Variants in STEAP2 observed in about 807,000 individuals in gnomAD.
STEAP2 encodes STEAP2 metalloreductase, also known as metalloreductase STEAP2.
In STEAP2, 30 loss-of-function variants were observed where a neutral mutation model predicts 46.4. The observed-to-expected ratio is 0.65, with a 90% confidence interval of 0.48 to 0.88. The LOEUF (loss-of-function observed/expected upper bound fraction) is 0.88. STEAP2 is among the 40% of genes least tolerant of loss of function. STEAP2 has a pLI of 0.00. For missense variants in STEAP2, 513 were observed against 579.3 expected (o/e 0.89, Z 1.18); for synonymous variants, 180 against 200.5 (o/e 0.90, Z 0.86).
At position 90,227,223 on chromosome 7, in the gene STEAP2, A is replaced by C; in HGVS notation, c.745A>C (p.Lys249Gln). 1 of 1,613,882 alleles carries C rather than the reference A, an allele frequency of 6.2e-7. No individual in the cohort carries two copies. The highest frequency in any genetic ancestry group is 8.5e-7 in the Non-Finnish European group (1 of 1,179,864). ...TAGAAACCAACAGAGTGACTTTTAC[A>C]AAATTCCTATAGAGATTGTGAATAA... ...YARNQQSDFY[K>Q]IPIEIVNKTL... Residue 249 changes from lysine to glutamine, a missense_variant, in exon 4 of 6, where the codon AAA (lysine) becomes CAA (glutamine). By Grantham distance (53) the Lys-to-Gln change is moderately conservative. Coordinates refer to ENST00000394621, the MANE Select transcript of STEAP2 (RefSeq NM_001244944.2).
intron 1 of STEAP2, among the ~76,000 whole-genome samples, chr7:90,214,818 A>G (rs1794951217): frequency 6.6e-6 from 1 of 152,214 alleles, no homozygotes; most frequent in Non-Finnish European, 1.5e-5. Flanking sequence ...TCCTGGAGAC[A>G]GTGCTTGGAG....
At chr7:90,214,507 A>G (rs912184881) in intron 1 of STEAP2, among the ~76,000 whole-genome samples, 2 of 152,142 alleles carry the variant, frequency 1.3e-5, no homozygotes, top group Admixed American at 6.5e-5. Context: ...AGGTGAAACT[A>G]ATGAGCTCAG....
At chr7:90,216,356 G>A (rs1316680312) in intron 1 of STEAP2, 135 bp from the exon 2 acceptor site, 1 of 152,112 alleles carries the variant, frequency 6.6e-6, no homozygotes, top group Non-Finnish European at 1.5e-5. Context: ...AACTGGGGAG[G>A]GGATCCCCTT....
chr7:90,238,752 T>C (rs948916879), downstream of STEAP2, among the ~76,000 whole-genome samples: 2 of 152,154 alleles, frequency 1.3e-5, no homozygotes, highest in Non-Finnish European at 2.9e-5. Flanking sequence ...CCTAGACTAG[T>C]ACAGTACTTT....
At chr7:90,242,085 G>GA (rs66642075), downstream of STEAP2, among the ~76,000 whole-genome samples, 9 of 149,656 alleles carry the variant, frequency 6.0e-5, no homozygotes, top group Admixed American at 4.0e-4. Flanking sequence ...GTTAGAGCTA[G>GA]AAAAAAAAAA....
chr7:90,227,384 A>G lies in STEAP2; in HGVS notation c.906A>G (p.Arg302=), dbSNP rs1169785708. The G allele has an allele frequency of 1.2e-6, 2 of 1,613,366 alleles. No individual in the cohort carries two copies. Among genetic ancestry groups the G allele is most frequent in the South Asian group, 1.1e-5 (1 of 91,066 alleles). ...PPWLETWLQC[R]KQLGLLSFFF... ...GGTTGGAAACCTGGTTACAGTGTAG[A>G]AAACAGCTTGGATTACTAAGTTTTT... Residue 302 remains arginine (R), a synonymous_variant, in exon 4 of 6, where the codon AGA becomes AGG. Coordinates refer to ENST00000394621, the MANE Select transcript of STEAP2 (RefSeq NM_001244944.2).
Position 90,234,740 on chromosome 7 carries a change from A to C in STEAP2, c.*2116A>C. The C allele has an allele frequency of 2.0e-6, 1 of 502,220 alleles. No homozygotes were observed. Among genetic ancestry groups the C allele is most frequent in the Non-Finnish European group, 2.6e-6 (1 of 389,050 alleles). The allele number at this position is 502,220 out of a possible 1,614,324, so 31.1% of individuals were successfully genotyped here. ...TGATTTCTTTTTGTATTTTTAGTAG[A>C]GACGGAGTTTCACCGTGTTAGCCAG... On this transcript the variant is annotated 3_prime_UTR_variant, in exon 6 of 6. Transcript: ENST00000394621.
rs116340718 is a variant in STEAP2, at chr7:90,226,352, C to A, written c.493-619C>A. On this transcript the variant is annotated intron_variant, in intron 3 of 5. Transcript: ENST00000394621. ...TGGTTTATTTTTAGACTTATTATACCGTATTATAATTTATACAAAATTTTT... is the reference window on the plus strand; with the variant it reads ...TGGTTTATTTTTAGACTTATTATACAGTATTATAATTTATACAAAATTTTT... Among the ~76,000 whole-genome samples the A allele has an allele frequency of 1.7e-3, 265 of 151,704 alleles. 2 individuals are homozygous for A. The highest frequency in any genetic ancestry group is 0.014 in the Middle Eastern group (4 of 290).
intron 4 of STEAP2, among the ~76,000 whole-genome samples, chr7:90,228,445 G>C (rs890658579): frequency 3.9e-5 from 6 of 151,958 alleles, no homozygotes; most frequent in Middle Eastern, 3.5e-3. Context: ...GGCTTTTATT[G>C]TTGCTCAGTC....
At chr7:90,219,263 G>A (rs1045262314) in intron 2 of STEAP2, among the ~76,000 whole-genome samples, 7 of 151,810 alleles carry the variant, frequency 4.6e-5, no homozygotes, top group Admixed American at 4.6e-4. Context: ...TTCCAGTTTG[G>A]GTACCTTTTA....
chr7:90,234,921 A>G lies in STEAP2; in HGVS notation c.*2297A>G. ...TAATAATATTTCTCCCCACTTGAGAATCACTTGTTAGTTCTTGGTAGGAAT... is the reference window on the plus strand; with the variant it reads ...TAATAATATTTCTCCCCACTTGAGAGTCACTTGTTAGTTCTTGGTAGGAAT... On this transcript the variant is annotated 3_prime_UTR_variant, in exon 6 of 6. Transcript: ENST00000394621. 1.0e-6 allele frequency: 1 copy of G among 984,754 alleles called. No homozygotes were observed. The allele number at this position is 984,754 out of a possible 1,614,324, so 61.0% of individuals were successfully genotyped here.
rs1054579236 is a variant in STEAP2, at chr7:90,235,728, A to T, written c.*3104A>T. 3.8e-6 allele frequency: 3 copies of T among 796,388 alleles called. No homozygotes were observed. The highest frequency in any genetic ancestry group is 3.7e-5 in the African/African-American group (2 of 53,678). The allele number at this position is 796,388 out of a possible 1,614,324, so 49.3% of individuals were successfully genotyped here. ...TATGTCTCCTCTATTAAGAGTATTTAAAATCATATTTAAATATGAATCTAT... is the reference window on the plus strand; with the variant it reads ...TATGTCTCCTCTATTAAGAGTATTTTAAATCATATTTAAATATGAATCTAT... On this transcript the variant is annotated 3_prime_UTR_variant, in exon 6 of 6. Coordinates refer to ENST00000394621, the MANE Select transcript of STEAP2 (RefSeq NM_001244944.2).
At chr7:90,222,478 T>A (rs1182530990) in intron 2 of STEAP2, among the ~76,000 whole-genome samples, 1 of 152,136 alleles carries the variant, frequency 6.6e-6, no homozygotes, top group Non-Finnish European at 1.5e-5. Context: ...ACTCCTTACA[T>A]GCACCTAAAT....
intron 2 of STEAP2, among the ~76,000 whole-genome samples, chr7:90,221,631 A>G (rs1334809796): frequency 6.6e-6 from 1 of 152,162 alleles, no homozygotes; most frequent in Non-Finnish European, 1.5e-5. Context: ...CAACAATGAA[A>G]ACTTCCCAAG....
At chr7:90,241,463 A>G (rs194533), downstream of STEAP2, among the ~76,000 whole-genome samples, 67,573 of 152,052 alleles carry the variant, frequency 0.44, 16,138 homozygotes, top group Non-Finnish European at 0.54. Context: ...TAATCCTTGA[A>G]ATCTTTTAAT....
At chr7:90,228,168 C>T (rs1309779524) in intron 4 of STEAP2, among the ~76,000 whole-genome samples, 1 of 152,040 alleles carries the variant, frequency 6.6e-6, no homozygotes, top group Non-Finnish European at 1.5e-5. Context: ...TCCATAATTC[C>T]CAATCCACAA....
At position 90,230,102 on chromosome 7, in the gene STEAP2, T is replaced by C. The variant is rs1376429154; in HGVS notation, c.1185+66T>C. ...GATTTCCTTGTTAAGAACAACTGCA[T>C]TTTAAATATGTTCCTTATTAAAAGG... On this transcript the variant is annotated intron_variant, in intron 5 of 5. Transcript: ENST00000394621. 1.9e-6 allele frequency: 3 copies of C among 1,566,398 alleles called. No individual in the cohort carries two copies. In the African/African-American group the frequency reaches 4.1e-5, roughly 22 times the overall value.
intron 2 of STEAP2, among the ~76,000 whole-genome samples, chr7:90,221,238 G>T (rs1432410852): frequency 6.6e-6 from 1 of 152,080 alleles, no homozygotes; most frequent in Non-Finnish European, 1.5e-5. Flanking sequence ...AAATGTTGTT[G>T]TATTGGCGTC....
chr7:90,219,628 T>G (rs528699023), intron 2 of STEAP2, among the ~76,000 whole-genome samples: 1 of 152,178 alleles, frequency 6.6e-6, no homozygotes, highest in African/African-American at 2.4e-5. Context: ...CTTGTATCCC[T>G]GGGATGCATT....
Sources: allele counts gnomAD v4.1 joint callset (sites outside exome capture counted in the v4.1 genomes callset), GRCh38; gene constraint gnomAD v4.1.1; transcripts MANE v1.5; gene names NCBI Gene and HGNC (gene_info 2026-07-23, HGNC 2026-07-21).